TIPARP: variants seen among roughly 807,000 people sequenced by gnomAD.
TIPARP encodes protein mono-ADP-ribosyltransferase TIPARP.
A neutral mutation model predicts 56.5 loss-of-function variants in TIPARP; 12 were observed. The observed-to-expected ratio is 0.21, with a 90% confidence interval of 0.14 to 0.34. TIPARP has a LOEUF of 0.34. Among genes scored for constraint, TIPARP ranks in the 10% least tolerant of loss-of-function variants. The pLI is 1.00. For synonymous variants in TIPARP, 296 were observed against 265.7 expected (o/e 1.11, Z -1.11); for missense variants, 604 against 781.6 (o/e 0.77, Z 2.71).
At chr3:156,686,506 A>T (rs1722431841) in intron 2 of TIPARP, among the ~76,000 whole-genome samples, 1 of 152,202 alleles carries the variant, frequency 6.6e-6, no homozygotes, top group Non-Finnish European at 1.5e-5. Context: ...TCAAATCTCT[A>T]GTCTGCTGAA....
chr3:156,703,890 G>A lies in TIPARP; in HGVS notation c.1526+188G>A, dbSNP rs373326445. On this transcript the variant is annotated intron_variant, in intron 5 of 5. Transcript: ENST00000295924. ...TAGCTGGGCGTGGTGGCGGGCACCT[G>A]TAGTCCCAGCTACTCGGGAGGCTGA... Among the ~76,000 whole-genome samples, 13 of 152,000 alleles carry A rather than the reference G, an allele frequency of 8.6e-5. No homozygotes were observed. In the South Asian group the frequency reaches 2.7e-3, roughly 32 times the overall value.
rs1010948762 is a variant in TIPARP, at chr3:156,689,312, C to T, written c.918-4708C>T. Among the ~76,000 whole-genome samples, 3 of 152,106 alleles carry T rather than the reference C, an allele frequency of 2.0e-5. No homozygotes were observed. In the East Asian group the frequency reaches 5.8e-4, roughly 29 times the overall value. On this transcript the variant is annotated intron_variant, in intron 2 of 5. Coordinates refer to ENST00000295924, the MANE Select transcript of TIPARP (RefSeq NM_015508.5). ...CTCTTCTGCCCCACGTGTAATTATC[C>T]TTCATGCAGTTAAATTCTAACTCTT...
rs185395359 is a variant in TIPARP, at chr3:156,677,658, A to G, written c.-40A>G. The G allele has an allele frequency of 1.3e-6, 2 of 1,507,892 alleles. No individual in the cohort carries two copies. The highest frequency in any genetic ancestry group is 4.6e-5 in the East Asian group (2 of 43,918). The allele number at this position is 1,507,892 out of a possible 1,614,324, so 93.4% of individuals were successfully genotyped here. On this transcript the variant is annotated splice_region_variant and 5_prime_UTR_variant, in exon 2 of 6. Coordinates refer to ENST00000295924, the MANE Select transcript of TIPARP (RefSeq NM_015508.5). ...TCATCTTCCTTCCTTTCCTCGTAGG[A>G]TTTTTAGACTCTGAGGAGCAGTTGG...
At chr3:156,687,112 A>G (rs1004443160) in intron 2 of TIPARP, among the ~76,000 whole-genome samples, 4 of 152,218 alleles carry the variant, frequency 2.6e-5, no homozygotes, top group African/African-American at 9.6e-5. Flanking sequence ...ACCAATTTAT[A>G]AAAACTAACC....
In TIPARP at chr3:156,703,684, T is replaced by C; in HGVS notation, c.1508T>C (p.Leu503Pro). The stretch of plus-strand genomic sequence containing the variant: ...ATATTGAGAGTCCAAAACCAGTTTC[T>C]TTGGGAGAAATATAAAAGGTGAGTC... ...LQILRVQNQF[L>P]WEKYKRKKEY... Residue 503 changes from leucine (L) to proline (P), a missense_variant, in exon 5 of 6, where the codon CTT becomes CCT. Transcript: ENST00000295924. 1 of 1,611,850 alleles carries C rather than the reference T, an allele frequency of 6.2e-7. No individual in the cohort carries two copies.
chr3:156,698,087 C>T (rs982522551), intron 4 of TIPARP, among the ~76,000 whole-genome samples: 2 of 152,164 alleles, frequency 1.3e-5, no homozygotes, highest in African/African-American at 4.8e-5. Flanking sequence ...TACAACATTC[C>T]CTTAAGCCAA....
chr3:156,688,034 A>G (rs1333174876), intron 2 of TIPARP, among the ~76,000 whole-genome samples: 1 of 152,188 alleles, frequency 6.6e-6, no homozygotes, highest in Admixed American at 6.5e-5. Context: ...AGATAAATCC[A>G]TGATCTGAGT....
At position 156,677,919 on chromosome 3, in the gene TIPARP, A is replaced by G. The variant is rs770162226; in HGVS notation, c.222A>G (p.Arg74=). 2 of 1,614,034 alleles carry G rather than the reference A, an allele frequency of 1.2e-6. No homozygotes were observed. The highest frequency in any genetic ancestry group is 2.7e-5 in the African/African-American group (2 of 74,922). Residue 74 remains arginine (R), a synonymous_variant, in exon 2 of 6, where the codon AGA becomes AGG. Transcript: ENST00000295924. ...LESGSLDGVF[R]SRNQSTDENS... The stretch of plus-strand genomic sequence containing the variant: ...CTGGCTCACTTGATGGGGTTTTTAG[A>G]TCTAGGAACCAGAGTACAGATGAGA...
intron 2 of TIPARP, among the ~76,000 whole-genome samples, chr3:156,689,896 T>C (rs1225950877): frequency 1.3e-5 from 2 of 152,190 alleles, no homozygotes; most frequent in Admixed American, 6.5e-5. Flanking sequence ...TCTTGACACC[T>C]TTTCCAGCAG....
At chr3:156,704,661 T>G (rs1471794260) in intron 5 of TIPARP, 23 bp from the exon 6 acceptor site, 3 of 1,593,662 alleles carry the variant, frequency 1.9e-6, no homozygotes, top group Non-Finnish European at 2.6e-6. Context: ...CCTTCTGAAT[T>G]CTCTGTCTGT....
Position 156,697,422 on chromosome 3 carries a change from CTTTTTT to C in TIPARP, c.1247+1408_1247+1413del, listed in dbSNP as rs60091681. On this transcript the variant is annotated intron_variant, in intron 4 of 5. Transcript: ENST00000295924. The stretch of plus-strand genomic sequence containing the variant: ...GATAAGTAATTATGGAATATGCCCT[CTTTTTT>C]TTTTTTTTTTGAAGCTTAGGCTTGT... Among the ~76,000 whole-genome samples the C allele has an allele frequency of 5.6e-4, 79 of 140,290 alleles. 2 individuals are homozygous for C. Among genetic ancestry groups the C allele is most frequent in the Non-Finnish European group, 7.8e-4 (51 of 65,348 alleles). The allele number at this position is 140,290 out of a possible 152,430, so 92.0% of individuals were successfully genotyped here.
rs919689882 is a variant in TIPARP at position 156,704,870 on chromosome 3, C to T, written c.1713C>T (p.Tyr571=). 1.2e-6 allele frequency: 2 copies of T among 1,614,080 alleles called. No individual in the cohort carries two copies. The highest frequency in any genetic ancestry group is 2.7e-5 in the African/African-American group (2 of 74,924). ...QGSYFAKKAS[Y]SHNFSKKSSK... ...GTTATTTTGCAAAGAAGGCAAGCTA[C>T]TCTCATAACTTTTCTAAGAAGTCCT... Residue 571 remains tyrosine (Y), a synonymous_variant, in exon 6 of 6, where the codon TAC becomes TAT. Coordinates refer to ENST00000295924, the MANE Select transcript of TIPARP (RefSeq NM_015508.5).
chr3:156,695,954 T>A lies in TIPARP; in HGVS notation c.1176T>A (p.Asn392Lys). ...GGAATAACCACTACATCCTCCACAA[T>A]TCATTCTTCAGGAGAGAGATAAAAA... ...MMWNNHYILH[N>K]SFFRREIKRR... The change falls in exon 4 of 6, where the codon AAT (asparagine) becomes AAA (lysine). Residue 392 changes from asparagine (N) to lysine (K), a missense_variant. Around this residue, in one of 4 missense-constraint regions of TIPARP, gnomAD observed 252 missense variants for 303.9 expected, o/e 0.83. Transcript: ENST00000295924. 2 of 1,611,298 alleles carry A rather than the reference T, an allele frequency of 1.2e-6. No homozygotes were observed. Among genetic ancestry groups the A allele is most frequent in the Non-Finnish European group, 1.7e-6 (2 of 1,179,056 alleles).
chr3:156,699,854 G>T (rs931994640), intron 4 of TIPARP, among the ~76,000 whole-genome samples: 4 of 152,112 alleles, frequency 2.6e-5, no homozygotes, highest in Admixed American at 6.6e-5. Context: ...TTAAACTTCA[G>T]TGAGAAAAGA....
At chr3:156,685,658 A>C (rs548224186) in intron 2 of TIPARP, among the ~76,000 whole-genome samples, 1 of 152,366 alleles carries the variant, frequency 6.6e-6, no homozygotes, top group African/African-American at 2.4e-5. Context: ...CCACACTTAC[A>C]AGAATTTCTC....
At chr3:156,696,904 T>G (rs556252717) in intron 4 of TIPARP, among the ~76,000 whole-genome samples, 19 of 152,344 alleles carry the variant, frequency 1.2e-4, no homozygotes, top group African/African-American at 4.6e-4. Flanking sequence ...CATTTTTATA[T>G]TCCTACTGTT....
chr3:156,697,135 T>G (rs1244465551), intron 4 of TIPARP, among the ~76,000 whole-genome samples: 1 of 152,192 alleles, frequency 6.6e-6, no homozygotes. Flanking sequence ...AAATTTTACC[T>G]TGTAGGGTTT....
intron 4 of TIPARP, among the ~76,000 whole-genome samples, chr3:156,702,090 G>A (rs914732885): frequency 1.9e-4 from 28 of 150,824 alleles, no homozygotes; most frequent in African/African-American, 5.6e-4. Context: ...GGTGGTGGTG[G>A]TGGTGATGGT....
chr3:156,677,264 A>T (rs1294324113), intron 1 of TIPARP, among the ~76,000 whole-genome samples: 1 of 152,228 alleles, frequency 6.6e-6, no homozygotes, highest in Non-Finnish European at 1.5e-5. Flanking sequence ...CTATAAAGAG[A>T]ACCGCAAAGC....
Sources: gnomAD v4.1 joint callset for allele counts (sites outside exome capture counted in the v4.1 genomes callset) on GRCh38, gnomAD v4.1.1 for gene constraint, gnomAD v4.1.1 regional missense constraint, MANE v1.5 for transcripts, NCBI Gene and HGNC (gene_info 2026-07-23, HGNC 2026-07-21) for gene names.